The following TMC1 variants were observed in gnomAD, a reference collection of about 807,000 sequenced individuals.
TMC1 encodes transmembrane channel-like protein 1.
A neutral mutation model predicts 105.8 loss-of-function variants in TMC1; 84 were observed. That is an observed-to-expected ratio of 0.79 (90% CI 0.67 to 0.95). The LOEUF is 0.95. Among genes scored for constraint, TMC1 ranks in the 40% least tolerant of loss-of-function variants. The pLI is 0.00. For synonymous variants in TMC1, 315 were observed against 311.5 expected (o/e 1.01, Z -0.12); for missense variants, 817 against 914.1 (o/e 0.89, Z 1.37).
intron 7 of TMC1, among the ~76,000 whole-genome samples, chr9:72,694,976 T>C (rs1588035893): frequency 6.6e-6 from 1 of 152,176 alleles, no homozygotes; most frequent in East Asian, 1.9e-4. Flanking sequence ...ATATTACAGT[T>C]AATTTAAAGA....
chr9:72,537,357 A>G (rs1016307468), intron 1 of TMC1, among the ~76,000 whole-genome samples: 1 of 152,082 alleles, frequency 6.6e-6, no homozygotes, highest in Non-Finnish European at 1.5e-5. Flanking sequence ...GTTTGGCTGC[A>G]TCCTTGAATT....
intron 2 of TMC1, among the ~76,000 whole-genome samples, chr9:72,583,075 T>C (rs1257809061): frequency 6.6e-6 from 1 of 151,906 alleles, no homozygotes; most frequent in Non-Finnish European, 1.5e-5. Flanking sequence ...ACAAAAAAAT[T>C]AGCTGGATTG....
At chr9:72,552,872 T>C (rs912241748) in intron 1 of TMC1, among the ~76,000 whole-genome samples, 2 of 152,226 alleles carry the variant, frequency 1.3e-5, no homozygotes, top group Non-Finnish European at 2.9e-5. Context: ...CTTTATCTTC[T>C]TTCTATATAT....
Position 72,772,485 on chromosome 9 carries a change from A to C in TMC1, c.814A>C (p.Arg272=), listed in dbSNP as rs111839361. 1.2e-6 allele frequency: 2 copies of C among 1,613,934 alleles called. No homozygotes were observed. The highest frequency in any genetic ancestry group is 1.7e-6 in the Non-Finnish European group (2 of 1,179,848). The change falls in exon 13 of 24, where the codon AGG becomes CGG. Residue 272 remains arginine (R), a synonymous_variant. Transcript: ENST00000297784. ...ACGAACAATTGGATGGATGAATTTC[A>C]GGTTGCCGCTCTCCTATTTTCTAGT... ...NKRTIGWMNF[R]LPLSYFLVGI...
At chr9:72,655,895 C>T in intron 5 of TMC1, 2 of 782,642 alleles carry the variant, frequency 2.6e-6, no homozygotes, top group East Asian at 2.4e-5. Context: ...AAGTAATCTG[C>T]TTAACAATCT....
chr9:72,562,589 T>C (rs1027533586), intron 1 of TMC1, among the ~76,000 whole-genome samples: 1 of 152,196 alleles, frequency 6.6e-6, no homozygotes, highest in African/African-American at 2.4e-5. Context: ...GTGTCAGACA[T>C]TGTATTGGAA....
Position 72,759,654 on chromosome 9 carries a change from A to G in TMC1, c.741+4770A>G, listed in dbSNP as rs748220356. 2.0e-5 allele frequency among the ~76,000 whole-genome samples: 3 copies of G among 152,320 alleles called. 1 individual carries two copies. The Middle Eastern group carries it at 0.01, about 518-fold the overall frequency. ...AGCCTAGGACAAGCTGCCTCTACAT[A>G]GGCTACTAGGAGCCACTGAGATGGC... On this transcript the variant is annotated intron_variant, in intron 12 of 23. Transcript: ENST00000297784.
At chr9:72,816,308 G>A (rs192513292) in intron 19 of TMC1, 98 bp downstream of exon 19, 20 of 1,183,148 alleles carry the variant, frequency 1.7e-5, no homozygotes, top group African/African-American at 9.0e-5. Context: ...GAATACAATC[G>A]GTGTCTAACT....
At chr9:72,759,290 C>T (rs976322163) in intron 12 of TMC1, among the ~76,000 whole-genome samples, 1 of 152,060 alleles carries the variant, frequency 6.6e-6, no homozygotes, top group Non-Finnish European at 1.5e-5. Context: ...AATCCCTTCT[C>T]CTGACTTTTT....
At chr9:72,613,475 T>C (rs1347798905) in intron 2 of TMC1, among the ~76,000 whole-genome samples, 1 of 152,150 alleles carries the variant, frequency 6.6e-6, no homozygotes, top group Non-Finnish European at 1.5e-5. Flanking sequence ...AAGTCGTTAG[T>C]CATATTAATC....
intron 5 of TMC1, among the ~76,000 whole-genome samples, chr9:72,679,818 G>T (rs544166349): frequency 4.6e-5 from 7 of 152,054 alleles, no homozygotes; most frequent in Non-Finnish European, 4.4e-5. Context: ...AATGAAGTAG[G>T]AAATTTTCCC....
chr9:72,597,197 A>G (rs948731217), intron 2 of TMC1, among the ~76,000 whole-genome samples: 8 of 152,246 alleles, frequency 5.3e-5, no homozygotes, highest in Admixed American at 5.2e-4. Context: ...CACATTTTAC[A>G]TGTGCAATGG....
intron 1 of TMC1, among the ~76,000 whole-genome samples, chr9:72,527,059 C>T (rs541717196): frequency 2.0e-5 from 3 of 152,218 alleles, no homozygotes; most frequent in South Asian, 2.1e-4. Context: ...CATGGGGTTC[C>T]GCTGGGCATG....
chr9:72,659,892 G>T (rs945413943), intron 5 of TMC1, among the ~76,000 whole-genome samples: 5 of 152,252 alleles, frequency 3.3e-5, no homozygotes, highest in Admixed American at 6.5e-5. Context: ...GTTAGTCGGG[G>T]TTTCTGTTTG....
chr9:72,772,281 A>G, intron 12 of TMC1, 132 bp from the exon 13 acceptor site: 3 of 1,110,818 alleles, frequency 2.7e-6, no homozygotes, highest in South Asian at 2.6e-5. Context: ...GAGCAAAACA[A>G]TAGGGCTCAT....
At chr9:72,726,245 T>C (rs890428231) in intron 8 of TMC1, among the ~76,000 whole-genome samples, 1 of 152,252 alleles carries the variant, frequency 6.6e-6, no homozygotes, top group African/African-American at 2.4e-5. Context: ...ATGATGCTTT[T>C]GTAATATATA....
At chr9:72,574,037 G>A (rs940377939) in intron 1 of TMC1, among the ~76,000 whole-genome samples, 3 of 152,258 alleles carry the variant, frequency 2.0e-5, no homozygotes, top group Non-Finnish European at 2.9e-5. Context: ...GTGAGAACAC[G>A]CAGTATATGA....
chr9:72,619,837 ATTT>A (rs1825213688), intron 3 of TMC1, among the ~76,000 whole-genome samples: 7 of 143,414 alleles, frequency 4.9e-5, no homozygotes, highest in African/African-American at 1.3e-4. Flanking sequence ...TAATTAATTT[ATTT>A]ATTTATTTAC....
At chr9:72,735,903 G>T (rs1183609658) in intron 8 of TMC1, among the ~76,000 whole-genome samples, 1 of 152,200 alleles carries the variant, frequency 6.6e-6, no homozygotes, top group Non-Finnish European at 1.5e-5. Context: ...CATATCTGAT[G>T]AGTTGAGTCT....
Sources: gnomAD v4.1 joint callset for allele counts (sites outside exome capture counted in the v4.1 genomes callset) on GRCh38, gnomAD v4.1.1 for gene constraint, MANE v1.5 for transcripts, NCBI Gene and HGNC (gene_info 2026-07-23, HGNC 2026-07-21) for gene names.